Variants in NDE1 observed in about 807,000 individuals in gnomAD.
The protein encoded by NDE1 is nudE neurodevelopment protein 1, also known as nuclear distribution protein nudE homolog 1.
NDE1 carries 28 observed loss-of-function variants against 43.4 expected under a neutral mutation model. The observed-to-expected ratio is 0.65, with a 90% CI of 0.48 to 0.89. The LOEUF is 0.89. Among genes scored for constraint, NDE1 ranks in the 40% least tolerant of loss-of-function variants. The pLI is 0.00. For missense variants in NDE1, 441 were observed against 434.1 expected, an observed-to-expected ratio of 1.02 and a Z score of -0.14; for synonymous variants, 184 against 172.0, an observed-to-expected ratio of 1.07 and a Z score of -0.55.
chr16:15,667,322 G>A lies in NDE1; in HGVS notation c.120G>A (p.Gln40=), dbSNP rs758595030. Residue 40 remains glutamine, a synonymous_variant, in exon 3 of 9, where the codon CAG becomes CAA. Coordinates refer to ENST00000396354, the MANE Select transcript of NDE1 (RefSeq NM_017668.3). ...CGCAAGAGGAACTCCGAGAATTCCA[G>A]GAGGGAAGCCGAGAATATGAAGCTG... The part of the protein sequence containing the change: ...ENTQEELREF[Q]EGSREYEAEL... The A allele has an allele frequency of 2.5e-6, 4 of 1,614,034 alleles. No homozygotes were observed. In the African/African-American group the frequency reaches 4.0e-5, roughly 16 times the overall value.
chr16:15,693,888 T>C (rs1303372891), intron 6 of NDE1, among the ~76,000 whole-genome samples: 1 of 152,112 alleles, frequency 6.6e-6, no homozygotes, highest in African/African-American at 2.4e-5. Flanking sequence ...TGCAGTGAGC[T>C]GAGATCACAT....
rs2037217964 is a variant in NDE1, at chr16:15,664,770, G to A, written c.-9G>A. On this transcript the variant is annotated 5_prime_UTR_variant, in exon 2 of 9. Transcript: ENST00000396354. ...CACAAGGAGAGTGATCTCTTCCCCT[G>A]TTTTCACAATGGAGGACTCCGGAAA... The A allele has an allele frequency of 3.7e-6, 6 of 1,603,854 alleles. No homozygotes were observed. Among genetic ancestry groups the A allele is most frequent in the Non-Finnish European group, 5.1e-6 (6 of 1,171,362 alleles).
intron 3 of NDE1, among the ~76,000 whole-genome samples, chr16:15,674,152 C>A (rs1478141396): frequency 6.6e-6 from 1 of 152,114 alleles, no homozygotes; most frequent in African/African-American, 2.4e-5. Context: ...TGGACTGTTT[C>A]TTTGGTAATT....
At chr16:15,689,971 A>G (rs62033034) in intron 5 of NDE1, among the ~76,000 whole-genome samples, 11 of 151,544 alleles carry the variant, frequency 7.3e-5, no homozygotes, top group Non-Finnish European at 1.3e-4. Flanking sequence ...TCAGAGAACA[A>G]TGGTTGAAAA....
At chr16:15,667,492 C>T in intron 3 of NDE1, 53 bp downstream of exon 3, 1 of 1,604,124 alleles carries the variant, frequency 6.2e-7, no homozygotes, top group Non-Finnish European at 8.5e-7. Context: ...CCAACACAGG[C>T]ATGGCATGCT....
chr16:15,687,598 T>G, intron 5 of NDE1, 87 bp downstream of exon 5: 1 of 1,284,356 alleles, frequency 7.8e-7, no homozygotes. Flanking sequence ...CAGCATTATC[T>G]TTACAGGGAC....
chr16:15,701,963 T>G (rs1014663728), intron 8 of NDE1: 2 of 152,234 alleles, frequency 1.3e-5, no homozygotes, highest in Non-Finnish European at 2.9e-5. Context: ...ATGTTTATAC[T>G]TTAATGTTTT....
chr16:15,643,397 T>TC, exon 1 of NDE1: 2 of 485,112 alleles, frequency 4.1e-6, no homozygotes, highest in East Asian at 6.8e-5. Flanking sequence ...AAGGAGGCCT[T>TC]CCCCCTGGCT....
chr16:15,665,120 T>C (rs1379491147), intron 2 of NDE1, among the ~76,000 whole-genome samples: 1 of 151,742 alleles, frequency 6.6e-6, no homozygotes, highest in Non-Finnish European at 1.5e-5. Context: ...CTTGAACTCC[T>C]GGACTCAAGT....
intron 3 of NDE1, among the ~76,000 whole-genome samples, 199 bp downstream of exon 3, chr16:15,667,638 T>TG (rs1018000355): frequency 1.4e-5 from 2 of 147,470 alleles, no homozygotes; most frequent in South Asian, 2.2e-4. Flanking sequence ...TTTTGTTTTT[T>TG]TTTTTTTTTT....
At chr16:15,721,759 T>C in intron 8 of NDE1, 2 of 960,154 alleles carry the variant, frequency 2.1e-6, no homozygotes, top group Non-Finnish European at 3.3e-6. Context: ...GCAGTGTAGG[T>C]TAGCTATGGG....
intron 7 of NDE1, chr16:15,695,007 G>A (rs1374139784): frequency 1.4e-5 from 10 of 740,700 alleles, no homozygotes; most frequent in East Asian, 1.3e-4. Context: ...CCCCTGCCCC[G>A]ACTTGGCCTC....
chr16:15,656,266 T>G (rs2036762727), intron 1 of NDE1, among the ~76,000 whole-genome samples: 3 of 152,208 alleles, frequency 2.0e-5, no homozygotes, highest in African/African-American at 4.8e-5. Context: ...TTGGTTGAAA[T>G]GCTGTTCCTG....
intron 4 of NDE1, chr16:15,686,560 C>G (rs752751659): frequency 2.1e-5 from 21 of 984,372 alleles, no homozygotes; most frequent in Non-Finnish European, 2.5e-5. Flanking sequence ...TGCCTGTAAT[C>G]TCAGTAACTC....
chr16:15,665,847 C>T (rs924207758), intron 2 of NDE1, among the ~76,000 whole-genome samples: 2 of 151,750 alleles, frequency 1.3e-5, no homozygotes, highest in African/African-American at 4.8e-5. Flanking sequence ...AGCTCCACCT[C>T]CTGGGTTCAA....
rs533519322 is a variant in NDE1, at chr16:15,719,274, G to A, written c.948-4917G>A. 6.2e-6 allele frequency: 10 copies of A among 1,612,874 alleles called. No individual in the cohort carries two copies. The highest frequency in any genetic ancestry group is 1.7e-5 in the Admixed American group (1 of 60,002). On this transcript the variant is annotated intron_variant, in intron 8 of 8. Transcript: ENST00000396354. ...TGCCAGTTCCTCCTTCTCGAGGTCC[G>A]CTTGTTTGCGAGCCCTCTCAGCGGC...
At chr16:15,672,105 T>C (rs1482414638) in intron 3 of NDE1, among the ~76,000 whole-genome samples, 1 of 151,908 alleles carries the variant, frequency 6.6e-6, no homozygotes, top group African/African-American at 2.4e-5. Context: ...CTGAGTAAAA[T>C]ATCAAGAGAA....
intron 4 of NDE1, chr16:15,686,651 C>T (rs1009996733): frequency 3.5e-6 from 2 of 578,406 alleles, no homozygotes; most frequent in Non-Finnish European, 4.4e-6. Flanking sequence ...GCACTTCGGC[C>T]TGAGAGACAC....
chr16:15,718,253 G>A, intron 8 of NDE1: 3 of 1,602,724 alleles, frequency 1.9e-6, no homozygotes, highest in South Asian at 1.1e-5. Context: ...GTTGACTGGT[G>A]CAGGATCCTG....
Sources: allele counts gnomAD v4.1 joint callset (sites outside exome capture counted in the v4.1 genomes callset), GRCh38; gene constraint gnomAD v4.1.1; transcripts MANE v1.5; gene names NCBI Gene and HGNC (gene_info 2026-07-23, HGNC 2026-07-21).